Variants in TFB1M observed in about 807,000 individuals in gnomAD.
The protein encoded by TFB1M is transcription factor B1, mitochondrial.
TFB1M carries 27 observed loss-of-function variants against 31.1 expected under a neutral mutation model. The observed-to-expected ratio is 0.87, with a 90% CI of 0.64 to 1.20. The LOEUF (loss-of-function observed/expected upper bound fraction) is 1.20, where lower values mean the gene tolerates loss of function less well. TFB1M is among the 50% of genes most tolerant of loss of function. TFB1M has a pLI of 0.00. For synonymous variants in TFB1M, 166 were observed against 151.8 expected (o/e 1.09, Z -0.69); for missense variants, 394 against 418.7 (o/e 0.94, Z 0.51).
Position 155,260,288 on chromosome 6 carries a change from C to T in TFB1M, c.779G>A (p.Cys260Tyr). 1 of 1,614,204 alleles carries T rather than the reference C, an allele frequency of 6.2e-7. No homozygotes were observed. The highest frequency in any genetic ancestry group is 8.5e-7 in the Non-Finnish European group (1 of 1,179,996). Reference sequence around the variant, plus strand: ...GCATTCTTACCTGAGCCCTCGATGGCAGTATTTCCTTCGGAACTGAAATAC... The same window carrying T: ...GCATTCTTACCTGAGCCCTCGATGGTAGTATTTCCTTCGGAACTGAAATAC... The part of the protein sequence containing the change: ...QNVFQFRRKY[C>Y]HRGLRMLFPE... Residue 260 changes from cysteine to tyrosine, a missense_variant, in exon 6 of 7, where the codon TGC (cysteine) becomes TAC (tyrosine). Transcript: ENST00000367166.
chr6:155,258,201 A>C, intron 6 of TFB1M, 119 bp from the exon 7 acceptor site: 1 of 1,219,674 alleles, frequency 8.2e-7, no homozygotes, highest in Non-Finnish European at 1.2e-6. Context: ...TGACAGCTGG[A>C]GAGAGTGGCA....
chr6:155,276,386 G>A, intron 5 of TFB1M: 1 of 1,600,170 alleles, frequency 6.2e-7, no homozygotes, highest in Non-Finnish European at 8.5e-7. Context: ...GTAAATAACT[G>A]AGTAATGCAT....
At chr6:155,280,107 T>C (rs922798791) in intron 5 of TFB1M, among the ~76,000 whole-genome samples, 23 of 152,216 alleles carry the variant, frequency 1.5e-4, no homozygotes, top group African/African-American at 4.6e-4. Context: ...TAAATGTTCC[T>C]GGTTGAAGCA....
At chr6:155,282,536 T>C (rs1287876377) in intron 5 of TFB1M, among the ~76,000 whole-genome samples, 2 of 152,202 alleles carry the variant, frequency 1.3e-5, no homozygotes, top group East Asian at 3.9e-4. Context: ...TTCTGAGCAT[T>C]AATCTCCCTC....
chr6:155,252,570 A>G (rs1291144046), downstream of TFB1M, among the ~76,000 whole-genome samples: 2 of 152,262 alleles, frequency 1.3e-5, no homozygotes, highest in African/African-American at 4.8e-5. Flanking sequence ...TTTGTTCCAT[A>G]AACATAGTCT....
chr6:155,244,951 GGC>G, the TFB1M span: 1 of 862,352 alleles, frequency 1.2e-6, no homozygotes, highest in Non-Finnish European at 1.6e-6. Flanking sequence ...GGTAAAGGAA[GGC>G]TGTATATATT....
the TFB1M span, among the ~76,000 whole-genome samples, chr6:155,230,344 C>G: frequency 1.3e-5 from 2 of 152,264 alleles, no homozygotes; most frequent in African/African-American, 4.8e-5. Flanking sequence ...ATTCCTGACA[C>G]ACTCTGTGCT....
Position 155,265,487 on chromosome 6 carries a change from T to A in TFB1M, c.667-5087A>T, listed in dbSNP as rs59751032. Among the ~76,000 whole-genome samples, 99 of 134,220 alleles carry A rather than the reference T, an allele frequency of 7.4e-4. No individual in the cohort carries two copies. The South Asian group carries it at 0.021, about 28-fold the overall frequency. The allele number at this position is 134,220 out of a possible 152,430, so 88.1% of individuals were successfully genotyped here. On this transcript the variant is annotated intron_variant, in intron 5 of 6. Coordinates refer to ENST00000367166, the MANE Select transcript of TFB1M (RefSeq NM_016020.4). ...GTATATTCATAGCTGATACTGTTAATTTCCTAAGGCTGGGACAGAAGAAGA... is the reference window on the plus strand; with the variant it reads ...GTATATTCATAGCTGATACTGTTAAATTCCTAAGGCTGGGACAGAAGAAGA...
chr6:155,250,583 G>C, the TFB1M span: 4 of 1,535,816 alleles, frequency 2.6e-6, no homozygotes, highest in East Asian at 2.4e-5. Flanking sequence ...AGATCCCAGG[G>C]GAAAGCTTAC....
At chr6:155,305,216 ATATT>A (rs1461221880) in intron 2 of TFB1M, among the ~76,000 whole-genome samples, 1 of 43,010 alleles carries the variant, frequency 2.3e-5, no homozygotes, top group Non-Finnish European at 3.5e-5. Flanking sequence ...ATTAAATTAT[ATATT>A]TATATATATA....
intron 2 of TFB1M, among the ~76,000 whole-genome samples, chr6:155,302,843 C>T (rs1777493580): frequency 6.6e-6 from 1 of 152,096 alleles, no homozygotes; most frequent in Non-Finnish European, 1.5e-5. Flanking sequence ...TTAATTGACT[C>T]ACAGTTCAGC....
rs772301100 is a variant in TFB1M at position 155,260,343 on chromosome 6, A to G, written c.724T>C (p.Phe242Leu). The change falls in exon 6 of 7, where the codon TTC becomes CTC. Residue 242 changes from phenylalanine to leucine, a missense_variant. By Grantham distance (22) the Phe-to-Leu change is conservative. Coordinates refer to ENST00000367166, the MANE Select transcript of TFB1M (RefSeq NM_016020.4). ...PLIQPKIEQP[F>L]KLVEKVVQNV... ...TGAACCACTTTTTCCACCAGCTTGA[A>G]TGGCTGCTCTATCTTGGGCTGTATC... 6.2e-6 allele frequency: 10 copies of G among 1,614,106 alleles called. No individual in the cohort carries two copies. Among genetic ancestry groups the G allele is most frequent in the Non-Finnish European group, 8.5e-6 (10 of 1,180,038 alleles).
chr6:155,271,353 C>T (rs1304978385), intron 5 of TFB1M, among the ~76,000 whole-genome samples: 1 of 152,162 alleles, frequency 6.6e-6, no homozygotes, highest in Non-Finnish European at 1.5e-5. Flanking sequence ...ACAGTCTTAT[C>T]TGATGTGTCT....
chr6:155,239,336 G>A, the TFB1M span, among the ~76,000 whole-genome samples: 1 of 152,196 alleles, frequency 6.6e-6, no homozygotes, highest in African/African-American at 2.4e-5. Flanking sequence ...AGCAGAGGTG[G>A]GCCGAGTACC....
Position 155,257,447 on chromosome 6 carries a change from T to C in TFB1M, c.*389A>G. ...GCTGGGGAAGTCGTGATTAATAGTT[T>C]TCAAAGGGCCATTTTTTAAAATCCT... On this transcript the variant is annotated 3_prime_UTR_variant, in exon 7 of 7. Transcript: ENST00000367166. 1 of 338,226 alleles carries C rather than the reference T, an allele frequency of 3.0e-6. No homozygotes were observed. Among genetic ancestry groups the C allele is most frequent in the Admixed American group, 4.7e-5 (1 of 21,434 alleles). 21.0% of individuals were successfully genotyped at this position (338,226 alleles called of 1,614,324 possible).
At chr6:155,240,805 C>A in the TFB1M span, 4 of 1,303,486 alleles carry the variant, frequency 3.1e-6, no homozygotes, top group East Asian at 2.4e-5. Flanking sequence ...CCCAGGACAC[C>A]TGCCACTCCC....
chr6:155,231,634 T>TC, the TFB1M span, among the ~76,000 whole-genome samples: 10,226 of 152,152 alleles, frequency 0.067, 1,156 homozygotes, highest in African/African-American at 0.23. Flanking sequence ...CCTGCCAGCT[T>TC]CCCCCCAAGC....
At chr6:155,261,231 G>A (rs1300257581) in intron 5 of TFB1M, among the ~76,000 whole-genome samples, 5 of 152,230 alleles carry the variant, frequency 3.3e-5, no homozygotes, top group African/African-American at 1.2e-4. Context: ...CGGAGACCAT[G>A]GTCTAGGAAA....
At chr6:155,309,395 A>T (rs913995826) in intron 2 of TFB1M, among the ~76,000 whole-genome samples, 1 of 152,194 alleles carries the variant, frequency 6.6e-6, no homozygotes, top group African/African-American at 2.4e-5. Context: ...TTAACAAACA[A>T]ATGGGAAGAA....
Sources: gnomAD v4.1 joint callset for allele counts (sites outside exome capture counted in the v4.1 genomes callset) on GRCh38, gnomAD v4.1.1 for gene constraint, MANE v1.5 for transcripts, NCBI Gene and HGNC (gene_info 2026-07-23, HGNC 2026-07-21) for gene names.